Variants in RIT2 observed in about 807,000 individuals in gnomAD.
RIT2 encodes the protein Ras like without CAAX 2, also known as GTP-binding protein Rit2.
Under a neutral mutation model 23.7 loss-of-function variants are expected in RIT2, and 24 were observed. The ratio of observed to expected loss-of-function variants is 1.01; its 90% CI spans 0.73 to 1.43. RIT2 has a LOEUF of 1.43. RIT2 is among the 40% of genes most tolerant of loss of function. The pLI, the probability that RIT2 is intolerant of heterozygous loss-of-function variation, is 0.00. For synonymous variants in RIT2, 107 were observed against 91.1 expected, an observed-to-expected ratio of 1.17 and a Z score of -0.99; for missense variants, 236 against 266.9, an observed-to-expected ratio of 0.88 and a Z score of 0.81.
In RIT2 at chr18:42,932,192, A is replaced by T. The variant is rs183364256; in HGVS notation, c.235-8429T>A. On this transcript the variant is annotated intron_variant, in intron 3 of 4. Coordinates refer to ENST00000326695, the MANE Select transcript of RIT2 (RefSeq NM_002930.4). ...GCAGATGTTTGTCCTCTATAACATC[A>T]GAAGTACAACCAGGAAGAGATTACA... is the stretch of plus-strand genomic sequence containing the variant. 1.8e-4 allele frequency among the ~76,000 whole-genome samples: 27 copies of T among 152,268 alleles called. 1 individual carries two copies. The highest frequency in any genetic ancestry group is 1.7e-3 in the Admixed American group (26 of 15,274).
intron 3 of RIT2, among the ~76,000 whole-genome samples, chr18:42,947,833 C>T (rs559827196): frequency 5.9e-5 from 9 of 152,142 alleles, no homozygotes; most frequent in African/African-American, 1.9e-4. Context: ...ATATAAAATA[C>T]ATTTAAGTCA....
intron 4 of RIT2, among the ~76,000 whole-genome samples, chr18:42,766,635 A>G (rs771856323): frequency 2.0e-5 from 3 of 152,228 alleles, no homozygotes; most frequent in South Asian, 2.1e-4. Flanking sequence ...AGAAATTTGC[A>G]TAAGTAGGAA....
At position 42,862,927 on chromosome 18, in the gene RIT2, G is replaced by A. The variant is rs1907366412; in HGVS notation, c.426+60645C>T. Among the ~76,000 whole-genome samples the A allele has an allele frequency of 2.6e-5, 4 of 152,014 alleles. No individual in the cohort carries two copies. In the South Asian group the frequency reaches 8.3e-4, roughly 31 times the overall value. ...ATATTTTCACTGTTGCCTATGATTA[G>A]GTAGAGGATAATGTTGGGGAGCATA... On this transcript the variant is annotated intron_variant, in intron 4 of 4. Transcript: ENST00000326695.
At chr18:42,993,548 T>C (rs1157489320) in intron 2 of RIT2, among the ~76,000 whole-genome samples, 3 of 152,110 alleles carry the variant, frequency 2.0e-5, no homozygotes, top group Non-Finnish European at 4.4e-5. Context: ...CTTCTAAACT[T>C]CTTAAAACTC....
intron 4 of RIT2, among the ~76,000 whole-genome samples, chr18:42,881,640 C>T (rs1304374198): frequency 2.6e-5 from 4 of 152,128 alleles, no homozygotes; most frequent in Non-Finnish European, 5.9e-5. Context: ...ACTCTGTTAT[C>T]TTTATATCTT....
intron 1 of RIT2, among the ~76,000 whole-genome samples, chr18:43,040,920 G>A (rs189637682): frequency 3.9e-5 from 6 of 151,934 alleles, no homozygotes; most frequent in Non-Finnish European, 8.8e-5. Flanking sequence ...ATCTGAATAA[G>A]CCCCTTTTAA....
chr18:42,919,356 A>C, intron 4 of RIT2, among the ~76,000 whole-genome samples: 1 of 152,106 alleles, frequency 6.6e-6, no homozygotes, highest in Non-Finnish European at 1.5e-5. Context: ...CCTAAAGCTG[A>C]GAATTAAGCT....
In RIT2 at chr18:42,856,893, G is replaced by A. The variant is rs575352896; in HGVS notation, c.426+66679C>T. Among the ~76,000 whole-genome samples the A allele has an allele frequency of 2.8e-5, 4 of 144,654 alleles. No individual in the cohort carries two copies. The South Asian group carries it at 6.7e-4, about 24-fold the overall frequency. 94.9% of individuals were successfully genotyped at this position (144,654 alleles called of 152,430 possible). A position where few individuals can be genotyped will look rare whatever the true frequency, so the allele number is the denominator to read the frequency against. ...CGCCCAGGCTGGAGTGCAGTGGTGGGATCTCGGCTCACTGAAAGCTCCGCC... is the reference window on the plus strand; with the variant it reads ...CGCCCAGGCTGGAGTGCAGTGGTGGAATCTCGGCTCACTGAAAGCTCCGCC... On this transcript the variant is annotated intron_variant, in intron 4 of 4. Coordinates refer to ENST00000326695, the MANE Select transcript of RIT2 (RefSeq NM_002930.4).
At chr18:42,943,414 G>A (rs866083223) in intron 3 of RIT2, among the ~76,000 whole-genome samples, 7 of 151,904 alleles carry the variant, frequency 4.6e-5, no homozygotes, top group Admixed American at 1.3e-4. Flanking sequence ...GTCCCCACTC[G>A]ACCCAGGAAG....
chr18:43,086,467 T>C (rs1913284985), intron 1 of RIT2, among the ~76,000 whole-genome samples: 1 of 152,172 alleles, frequency 6.6e-6, no homozygotes, highest in Non-Finnish European at 1.5e-5. Context: ...ACAGTGCTTT[T>C]AGAGGGAGCT....
At chr18:42,849,440 T>C (rs1906991273) in intron 4 of RIT2, among the ~76,000 whole-genome samples, 1 of 152,180 alleles carries the variant, frequency 6.6e-6, no homozygotes, top group Admixed American at 6.5e-5. Context: ...GGCTCAACTT[T>C]GTGGAATCTC....
chr18:43,108,174 CAA>C (rs35014387), intron 1 of RIT2, among the ~76,000 whole-genome samples: 14,659 of 136,360 alleles, frequency 0.11, 1,039 homozygotes, highest in East Asian at 0.39. Flanking sequence ...GACTCCATCT[CAA>C]AAAAAAAAAA....
At chr18:43,007,108 A>G (rs1333561163) in intron 2 of RIT2, among the ~76,000 whole-genome samples, 1 of 151,700 alleles carries the variant, frequency 6.6e-6, no homozygotes, top group Non-Finnish European at 1.5e-5. Flanking sequence ...AACAATTATC[A>G]ACATGCAAAA....
At chr18:42,787,590 A>T (rs1913951941) in intron 4 of RIT2, among the ~76,000 whole-genome samples, 1 of 152,176 alleles carries the variant, frequency 6.6e-6, no homozygotes, top group African/African-American at 2.4e-5. Context: ...AGTCAATGCA[A>T]TTGCTCATTT....
rs201719862 is a variant in RIT2, at chr18:42,923,762, G to A, written c.236C>T (p.Ala79Val). 3 of 1,548,552 alleles carry A rather than the reference G, an allele frequency of 1.9e-6. No homozygotes were observed. Among genetic ancestry groups the A allele is most frequent in the Non-Finnish European group, 2.6e-6 (3 of 1,156,344 alleles). ...YLDILDTAGQ[A>V]EFTAMREQYM... Reference sequence around the variant, plus strand: ...CTGCTCCCGCATGGCTGTGAATTCTGCCTGCAGGAAAAAAAAAAAAAAATT... The same window carrying A: ...CTGCTCCCGCATGGCTGTGAATTCTACCTGCAGGAAAAAAAAAAAAAAATT... The change falls in exon 4 of 5, where the codon GCA (alanine) becomes GTA (valine). Residue 79 changes from alanine (A) to valine (V), a missense_variant and splice_region_variant. Coordinates refer to ENST00000326695, the MANE Select transcript of RIT2 (RefSeq NM_002930.4).
At chr18:42,878,394 G>C (rs909960473) in intron 4 of RIT2, among the ~76,000 whole-genome samples, 1 of 151,872 alleles carries the variant, frequency 6.6e-6, no homozygotes, top group Non-Finnish European at 1.5e-5. Context: ...TTAAATAGAA[G>C]TGAATCATCA....
chr18:42,997,558 T>A (rs4616364), intron 2 of RIT2, among the ~76,000 whole-genome samples: 144,862 of 152,042 alleles, frequency 0.95, 69,388 homozygotes, highest in East Asian at 1. Context: ...CATATTTTAA[T>A]GCCAGAGAGA....
chr18:42,974,621 G>A (rs917744747), intron 2 of RIT2, among the ~76,000 whole-genome samples: 7 of 151,878 alleles, frequency 4.6e-5, no homozygotes, highest in African/African-American at 1.2e-4. Flanking sequence ...ATTGGAAAAC[G>A]AGTAAAATTA....
At chr18:42,889,174 A>G (rs1908106711) in intron 4 of RIT2, among the ~76,000 whole-genome samples, 1 of 152,128 alleles carries the variant, frequency 6.6e-6, no homozygotes, top group Non-Finnish European at 1.5e-5. Context: ...AAGTTAACAT[A>G]TACTGTTTTA....
Sources: allele counts gnomAD v4.1 joint callset (sites outside exome capture counted in the v4.1 genomes callset), GRCh38; gene constraint gnomAD v4.1.1; transcripts MANE v1.5; gene names NCBI Gene and HGNC (gene_info 2026-07-23, HGNC 2026-07-21).